The following JAK2 variants were observed in gnomAD, a reference collection of about 807,000 sequenced individuals.
JAK2 encodes the protein Janus kinase 2.
In JAK2, 86 loss-of-function variants were observed where a neutral mutation model predicts 139.3. That is an observed-to-expected ratio of 0.62 (90% CI 0.52 to 0.74). JAK2 has a LOEUF of 0.74. Ranked by LOEUF, JAK2 falls within the 30% of genes least tolerant of loss-of-function variation. The probability of loss-of-function intolerance (pLI) is 0.00; values close to 1 mark genes in which losing one functional copy is unlikely to be tolerated. For synonymous variants in JAK2, 490 were observed against 437.7 expected (o/e 1.12, Z -1.49); for missense variants, 1,421 against 1,360.3 (o/e 1.04, Z -0.70).
At chr9:5,045,388 C>G (rs1054167018) in intron 5 of JAK2, among the ~76,000 whole-genome samples, 6 of 152,100 alleles carry the variant, frequency 3.9e-5, no homozygotes, top group Non-Finnish European at 8.8e-5. Context: ...ATGAGACCAA[C>G]AAACTTTATT....
chr9:5,052,997 T>C (rs1441479653), intron 6 of JAK2, among the ~76,000 whole-genome samples: 3 of 152,088 alleles, frequency 2.0e-5, no homozygotes, highest in Non-Finnish European at 4.4e-5. Flanking sequence ...TTTTCATTTT[T>C]TCTTGTGCAT....
At chr9:5,047,012 A>G (rs1817055452) in intron 5 of JAK2, among the ~76,000 whole-genome samples, 1 of 152,146 alleles carries the variant, frequency 6.6e-6, no homozygotes, top group Admixed American at 6.5e-5. Context: ...AGAATACTCA[A>G]TTTTATCCTT....
intron 8 of JAK2, among the ~76,000 whole-genome samples, chr9:5,063,391 A>G (rs886564985): frequency 6.6e-6 from 1 of 152,216 alleles, no homozygotes; most frequent in Non-Finnish European, 1.5e-5. Flanking sequence ...CGATCACAGC[A>G]TCTTACTTTG....
intron 2 of JAK2, among the ~76,000 whole-genome samples, chr9:5,012,687 G>T (rs2129973700): frequency 6.6e-6 from 1 of 152,274 alleles, no homozygotes; most frequent in South Asian, 2.1e-4. Context: ...TTTTCTACCT[G>T]CTAAGAATAG....
intron 12 of JAK2, among the ~76,000 whole-genome samples, chr9:5,071,585 C>T (rs1586738548): frequency 6.6e-6 from 1 of 152,164 alleles, no homozygotes; most frequent in East Asian, 1.9e-4. Flanking sequence ...TAGTGAACCT[C>T]AAGACAGATC....
chr9:5,018,475 T>C (rs1487773762), intron 2 of JAK2, among the ~76,000 whole-genome samples: 1 of 152,158 alleles, frequency 6.6e-6, no homozygotes, highest in East Asian at 1.9e-4. Flanking sequence ...TAGCTGGGAC[T>C]ACAGAAACCT....
intron 22 of JAK2, among the ~76,000 whole-genome samples, chr9:5,091,864 C>G (rs184081495): frequency 6.6e-6 from 1 of 152,118 alleles, no homozygotes; most frequent in Non-Finnish European, 1.5e-5. Flanking sequence ...TGAAATTAAG[C>G]TCTATTGCTA....
intron 6 of JAK2, among the ~76,000 whole-genome samples, chr9:5,051,909 T>C (rs994807103): frequency 2.0e-5 from 3 of 151,992 alleles, no homozygotes; most frequent in African/African-American, 4.8e-5. Flanking sequence ...CCTAAGGGTG[T>C]AGGCCATAGG....
At position 5,090,445 on chromosome 9, in the gene JAK2, G is replaced by T; in HGVS notation, c.2762-1G>T. 1 of 1,544,050 alleles carries T rather than the reference G, an allele frequency of 6.5e-7. No individual in the cohort carries two copies. The highest frequency in any genetic ancestry group is 1.3e-5 in the South Asian group (1 of 78,596). On this transcript the variant is annotated splice_acceptor_variant, in intron 20 of 24. Coordinates refer to ENST00000381652, the MANE Select transcript of JAK2 (RefSeq NM_004972.4). LOFTEE classifies it high-confidence loss of function. ...CATTATTTCCACCTTTATGTTAAAA[G>T]GTCGGCGTAATCTAAAATTAATTAT...
intron 2 of JAK2, among the ~76,000 whole-genome samples, chr9:5,013,535 C>G (rs1051711575): frequency 1.3e-5 from 2 of 152,210 alleles, no homozygotes; most frequent in Non-Finnish European, 2.9e-5. Flanking sequence ...CCTATCTGAA[C>G]CTTCCAATCC....
intron 22 of JAK2, chr9:5,113,995 G>T: frequency 3.7e-6 from 1 of 267,822 alleles, no homozygotes; most frequent in South Asian, 4.3e-5. Flanking sequence ...CTGGAGGATG[G>T]GCAGGTCGTG....
rs370736292 is a variant in JAK2 at position 5,081,791 on chromosome 9, G to A, written c.2501G>A (p.Gly834Asp). ...NMRIGALGFS[G>D]AFEDRDPTQF... The stretch of plus-strand genomic sequence containing the variant: ...AGGATAGGTGCCCTGGGGTTTTCTG[G>A]TGCCTTTGAAGACCGGGATCCTACA... The change falls in exon 19 of 25, where the codon GGT becomes GAT. Residue 834 changes from glycine to aspartate, a missense_variant. Transcript: ENST00000381652. 1.9e-6 allele frequency: 3 copies of A among 1,609,976 alleles called. No individual in the cohort carries two copies. Among genetic ancestry groups the A allele is most frequent in the Non-Finnish European group, 2.6e-6 (3 of 1,176,428 alleles).
At chr9:5,121,414 T>C (rs568666446) in intron 22 of JAK2, among the ~76,000 whole-genome samples, 34 of 152,286 alleles carry the variant, frequency 2.2e-4, no homozygotes, top group South Asian at 6.2e-4. Flanking sequence ...CACTTGGTAA[T>C]TGGAGTGACT....
chr9:5,006,732 C>T (rs1285230311), intron 2 of JAK2, among the ~76,000 whole-genome samples: 3 of 152,200 alleles, frequency 2.0e-5, no homozygotes, highest in African/African-American at 7.2e-5. Flanking sequence ...TAAATCCATC[C>T]CATGACCCAG....
intron 4 of JAK2, among the ~76,000 whole-genome samples, chr9:5,038,456 A>C (rs1816234404): frequency 6.6e-6 from 1 of 152,156 alleles, no homozygotes; most frequent in South Asian, 2.1e-4. Flanking sequence ...AATTCAGACA[A>C]AGATGTCTAG....
chr9:5,092,360 G>C (rs1820652264), intron 22 of JAK2, among the ~76,000 whole-genome samples: 1 of 152,126 alleles, frequency 6.6e-6, no homozygotes, highest in African/African-American at 2.4e-5. Context: ...GAATAGAGGA[G>C]ATAAGTCGTA....
chr9:5,079,048 T>C (rs967177205), intron 16 of JAK2, among the ~76,000 whole-genome samples: 2 of 152,228 alleles, frequency 1.3e-5, no homozygotes, highest in African/African-American at 4.8e-5. Flanking sequence ...AGATTCTAAA[T>C]TGATCAATTT....
At chr9:5,107,553 G>T (rs939766291) in intron 22 of JAK2, among the ~76,000 whole-genome samples, 9 of 152,068 alleles carry the variant, frequency 5.9e-5, no homozygotes, top group African/African-American at 1.7e-4. Flanking sequence ...CTCAAAAAGG[G>T]TTAGATTGAA....
At chr9:4,997,785 G>A (rs150231607) in intron 2 of JAK2, among the ~76,000 whole-genome samples, 2 of 152,210 alleles carry the variant, frequency 1.3e-5, no homozygotes, top group Non-Finnish European at 2.9e-5. Flanking sequence ...AATAGTGCAT[G>A]ATAGTATAAG....
Sources: gnomAD v4.1 joint callset for allele counts (sites outside exome capture counted in the v4.1 genomes callset) on GRCh38, gnomAD v4.1.1 for gene constraint, MANE v1.5 for transcripts, NCBI Gene and HGNC (gene_info 2026-07-23, HGNC 2026-07-21) for gene names.